The following SUMO2 variants were observed in gnomAD, a reference collection of about 807,000 sequenced individuals.
The protein encoded by SUMO2 is small ubiquitin like modifier 2.
A neutral mutation model predicts 16.0 loss-of-function variants in SUMO2; 1 was observed. That is an observed-to-expected ratio of 0.06 (90% CI 0.02 to 0.30). SUMO2 has a LOEUF of 0.30. Among genes scored for constraint, SUMO2 ranks in the 10% least tolerant of loss-of-function variants. The pLI, the probability that SUMO2 is intolerant of heterozygous loss-of-function variation, is 1.00. For missense variants in SUMO2, 16 were observed against 117.5 expected (o/e 0.14, Z 3.99); for synonymous variants, 36 against 40.6 (o/e 0.89, Z 0.43).
At chr17:75,182,666 T>C (rs1207035054) in intron 1 of SUMO2, 148 bp downstream of exon 1, 4 of 549,756 alleles carry the variant, frequency 7.3e-6, no homozygotes, top group Non-Finnish European at 1.0e-5. Context: ...GGGAGGAAAA[T>C]GGCGCGGAGC....
At chr17:75,176,999 A>G (rs2145223195) in intron 2 of SUMO2, among the ~76,000 whole-genome samples, 1 of 151,916 alleles carries the variant, frequency 6.6e-6, no homozygotes, top group African/African-American at 2.4e-5. Flanking sequence ...CCTGTCCAAC[A>G]TGGTGAAACC....
chr17:75,177,210 T>G (rs986657182), intron 2 of SUMO2, among the ~76,000 whole-genome samples: 2 of 148,726 alleles, frequency 1.3e-5, no homozygotes, highest in African/African-American at 4.9e-5. Flanking sequence ...TAAATAAAAA[T>G]ACAAAAAATT....
intron 1 of SUMO2, chr17:75,182,332 C>T (rs1388929535): frequency 2.0e-5 from 3 of 152,796 alleles, no homozygotes; most frequent in African/African-American, 7.2e-5. Flanking sequence ...GAACCCTCGC[C>T]CCGCCGCCGC....
intron 2 of SUMO2, among the ~76,000 whole-genome samples, chr17:75,178,903 C>T (rs1372203935): frequency 1.3e-5 from 2 of 151,858 alleles, no homozygotes; most frequent in Non-Finnish European, 1.5e-5. Flanking sequence ...TGCAGTGAGC[C>T]GAGATTGCGC....
intron 1 of SUMO2, 36 bp downstream of exon 1, chr17:75,182,778 C>A: frequency 1.5e-6 from 2 of 1,325,658 alleles, no homozygotes; most frequent in Non-Finnish European, 1.9e-6. Context: ...TGACCCCCAC[C>A]GCGCGGCGAG....
At chr17:75,178,163 C>CA (rs533287480) in intron 2 of SUMO2, among the ~76,000 whole-genome samples, 107 of 134,352 alleles carry the variant, frequency 8.0e-4, no homozygotes, top group South Asian at 1.9e-3. Flanking sequence ...AAGCCTGTCT[C>CA]AAAAAAAAAA....
Position 75,167,274 on chromosome 17 carries a change from A to G in SUMO2, c.*1065T>C, listed in dbSNP as rs2074700561. 1 of 151,840 alleles carries G rather than the reference A, an allele frequency of 6.6e-6. No homozygotes were observed. Among genetic ancestry groups the G allele is most frequent in the Admixed American group, 6.6e-5 (1 of 15,120 alleles). 9.4% of individuals were successfully genotyped at this position (151,840 alleles called of 1,614,324 possible). On this transcript the variant is annotated 3_prime_UTR_variant, in exon 4 of 4. Coordinates refer to ENST00000420826, the MANE Select transcript of SUMO2 (RefSeq NM_006937.4). ...CCACTACACTCCAGCCTGGGCAACA[A>G]GAGGAAAACTCCGTCTCAAAAAAAA... is the stretch of plus-strand genomic sequence containing the variant.
Position 75,167,027 on chromosome 17 carries a change from T to C in SUMO2, c.*1312A>G, listed in dbSNP as rs2074698238. On this transcript the variant is annotated 3_prime_UTR_variant, in exon 4 of 4. Coordinates refer to ENST00000420826, the MANE Select transcript of SUMO2 (RefSeq NM_006937.4). The stretch of plus-strand genomic sequence containing the variant: ...TATAGATATTTTCTGTCCCTCAATA[T>C]TCTTGAATAGGCCAGGCGTGGTGGC... The C allele has an allele frequency of 2.0e-5, 3 of 151,426 alleles. No homozygotes were observed. The highest frequency in any genetic ancestry group is 6.6e-5 in the Admixed American group (1 of 15,062). 9.4% of individuals were successfully genotyped at this position (151,426 alleles called of 1,614,324 possible). A position where few individuals can be genotyped will look rare whatever the true frequency, so the allele number is the denominator to read the frequency against.
intron 3 of SUMO2, among the ~76,000 whole-genome samples, chr17:75,169,540 C>T (rs950864583): frequency 1.4e-4 from 22 of 151,904 alleles, no homozygotes; most frequent in African/African-American, 5.1e-4. Flanking sequence ...CCCGCCACAA[C>T]GCCTGGCTAA....
At chr17:75,179,777 G>C (rs553798224) in intron 2 of SUMO2, among the ~76,000 whole-genome samples, 10 of 151,872 alleles carry the variant, frequency 6.6e-5, no homozygotes, top group African/African-American at 2.4e-4. Flanking sequence ...CTCAGCCTCA[G>C]CCTCCGGAGT....
At chr17:75,177,988 C>CAA (rs59613076) in intron 2 of SUMO2, among the ~76,000 whole-genome samples, 20,723 of 66,074 alleles carry the variant, frequency 0.31, 5,546 homozygotes, top group South Asian at 0.41. Flanking sequence ...GACTCCGTCT[C>CAA]AAAAAAAAAA....
At chr17:75,180,408 A>C (rs1178023632) in intron 2 of SUMO2, among the ~76,000 whole-genome samples, 1 of 144,792 alleles carries the variant, frequency 6.9e-6, no homozygotes, top group African/African-American at 2.5e-5. Flanking sequence ...AAAAAAAAAA[A>C]AAAAAAAAAA....
chr17:75,172,187 T>A (rs1386671540), intron 3 of SUMO2, among the ~76,000 whole-genome samples: 1 of 151,912 alleles, frequency 6.6e-6, no homozygotes, highest in East Asian at 1.9e-4. Context: ...CATGCCCGGC[T>A]AATTTTTGTA....
intron 3 of SUMO2, among the ~76,000 whole-genome samples, chr17:75,169,576 G>A (rs2074719670): frequency 6.6e-6 from 1 of 151,724 alleles, no homozygotes; most frequent in Non-Finnish European, 1.5e-5. Context: ...GTAGAGACGG[G>A]GTTTCACCGT....
chr17:75,172,727 G>A (rs2074751383), intron 3 of SUMO2, among the ~76,000 whole-genome samples: 2 of 151,954 alleles, frequency 1.3e-5, no homozygotes, highest in South Asian at 2.1e-4. Context: ...CGCCCACCTC[G>A]GCCTCCCAAA....
At chr17:75,171,135 C>G (rs982950404) in intron 3 of SUMO2, among the ~76,000 whole-genome samples, 1 of 150,682 alleles carries the variant, frequency 6.6e-6, no homozygotes, top group African/African-American at 2.4e-5. Flanking sequence ...TTGTGTTTTT[C>G]TATTTTTTCT....
At chr17:75,182,741 G>C (rs1320273934) in intron 1 of SUMO2, 73 bp downstream of exon 1, 1 of 1,223,070 alleles carries the variant, frequency 8.2e-7, no homozygotes, top group Non-Finnish European at 1.0e-6. Context: ...CCAGCGGCGG[G>C]CTCTGGCCGG....
At chr17:75,178,069 G>C (rs573570925) in intron 2 of SUMO2, among the ~76,000 whole-genome samples, 2 of 151,194 alleles carry the variant, frequency 1.3e-5, no homozygotes, top group East Asian at 3.9e-4. Context: ...GAGGTGGGAG[G>C]ACTGCTTGAG....
At position 75,166,764 on chromosome 17, in the gene SUMO2, C is replaced by T. The variant is rs1443489803; in HGVS notation, c.*1575G>A. On this transcript the variant is annotated 3_prime_UTR_variant, in exon 4 of 4. Coordinates refer to ENST00000420826, the MANE Select transcript of SUMO2 (RefSeq NM_006937.4). ...CACCATTGCACCACTCCAGACTAGG[C>T]AACAGAGGCATAACCTCTTTCAAAA... 2 of 152,056 alleles carry T rather than the reference C, an allele frequency of 1.3e-5. No individual in the cohort carries two copies. The highest frequency in any genetic ancestry group is 2.9e-5 in the Non-Finnish European group (2 of 68,142). 9.4% of individuals were successfully genotyped at this position (152,056 alleles called of 1,614,324 possible).
Sources: allele counts gnomAD v4.1 joint callset (sites outside exome capture counted in the v4.1 genomes callset), GRCh38; gene constraint gnomAD v4.1.1; transcripts MANE v1.5; gene names NCBI Gene and HGNC (gene_info 2026-07-23, HGNC 2026-07-21).